ARHGAP6: variants seen among roughly 807,000 people sequenced by gnomAD.
ARHGAP6 encodes Rho GTPase activating protein 6.
Under a neutral mutation model 55.7 loss-of-function variants are expected in ARHGAP6, and 16 were observed. That is an observed-to-expected ratio of 0.29 (90% CI 0.19 to 0.44). The LOEUF is 0.44. Ranked by LOEUF, ARHGAP6 falls within the 20% of genes least tolerant of loss-of-function variation. The pLI is 1.00. For missense variants in ARHGAP6, 698 were observed against 808.9 expected, an observed-to-expected ratio of 0.86 and a Z score of 1.66; for synonymous variants, 382 against 360.9, an observed-to-expected ratio of 1.06 and a Z score of -0.66.
chrX:11,338,111 C>G (rs2048662427), intron 1 of ARHGAP6, among the ~76,000 whole-genome samples: 1 of 111,103 alleles, frequency 9.0e-6, no homozygotes, highest in Non-Finnish European at 1.9e-5. Flanking sequence ...ATCCCTGTAA[C>G]CCAGACATCT....
chrX:11,655,786 A>T (rs2052631157), intron 1 of ARHGAP6, among the ~76,000 whole-genome samples: 1 of 112,538 alleles, frequency 8.9e-6, no homozygotes, highest in Non-Finnish European at 1.9e-5. Context: ...TAAATTTTAG[A>T]ACAAGATGTC....
intron 1 of ARHGAP6, among the ~76,000 whole-genome samples, chrX:11,605,530 C>T (rs1434780688): frequency 9.0e-6 from 1 of 111,424 alleles, no homozygotes; most frequent in Admixed American, 9.5e-5. Flanking sequence ...TCTGGATAGT[C>T]CCCCAAATAA....
chrX:11,457,515 T>C (rs779254923), intron 1 of ARHGAP6, among the ~76,000 whole-genome samples: 12 of 111,824 alleles, frequency 1.1e-4, no homozygotes, highest in Non-Finnish European at 1.7e-4. Flanking sequence ...GACTGTTCAC[T>C]AAACAAATAT....
At position 11,424,903 on chromosome X, in the gene ARHGAP6, G is replaced by A. The variant is rs371044772; in HGVS notation, c.589-170196C>T. Among the ~76,000 whole-genome samples, 6 of 112,550 alleles carry A rather than the reference G, an allele frequency of 5.3e-5. No individual in the cohort carries two copies. The South Asian group carries it at 2.2e-3, about 41-fold the overall frequency. On this transcript the variant is annotated intron_variant, in intron 1 of 12. Transcript: ENST00000337414. ...ATGTCTGTTTATGTAAATGGAGGATGTTCTTGTCTAGTTAATTGCATTTTG... is the reference window on the plus strand; with the variant it reads ...ATGTCTGTTTATGTAAATGGAGGATATTCTTGTCTAGTTAATTGCATTTTG...
At chrX:11,173,094 G>C (rs1173795683) in intron 8 of ARHGAP6, among the ~76,000 whole-genome samples, 1 of 112,181 alleles carries the variant, frequency 8.9e-6, no homozygotes, top group Non-Finnish European at 1.9e-5. Context: ...TCAGAGCCAG[G>C]AGATGGTATA....
At chrX:11,213,249 C>A (rs1318698461) in intron 2 of ARHGAP6, among the ~76,000 whole-genome samples, 1 of 113,021 alleles carries the variant, frequency 8.8e-6, no homozygotes, top group Non-Finnish European at 1.9e-5. Context: ...CTCCCATGCC[C>A]TGTGTGCTTC....
rs1156613318 is a variant in ARHGAP6 at position 11,514,161 on chromosome X, CA to C, written c.588+150079del. On this transcript the variant is annotated intron_variant, in intron 1 of 12. Transcript: ENST00000337414. ...TGGGTGACGAAGTGAAACCCTGTCT[CA>C]AAAAAAAAAAAAAAAAAAAAAAAAA... Among the ~76,000 whole-genome samples the C allele has an allele frequency of 8.1e-3, 290 of 35,773 alleles. 4 individuals are homozygous for C. Among genetic ancestry groups the C allele is most frequent in the East Asian group, 0.05 (47 of 932 alleles). The allele number at this position is 35,773 out of a possible 115,157, so 31.1% of individuals were successfully genotyped here.
At chrX:11,517,943 C>T (rs757215771) in intron 1 of ARHGAP6, among the ~76,000 whole-genome samples, 42 of 105,817 alleles carry the variant, frequency 4.0e-4, no homozygotes, top group African/African-American at 1.5e-3. Context: ...ATGTAACAAA[C>T]CTGCACATCC....
At chrX:11,270,252 A>G (rs5979388) in intron 1 of ARHGAP6, among the ~76,000 whole-genome samples, 20,967 of 111,137 alleles carry the variant, frequency 0.19, 1,594 homozygotes, top group African/African-American at 0.28. Context: ...CCTTTTCTTT[A>G]TTCACTTCCT....
At chrX:11,539,559 C>T (rs2051136489) in intron 1 of ARHGAP6, among the ~76,000 whole-genome samples, 1 of 112,058 alleles carries the variant, frequency 8.9e-6, no homozygotes, top group Admixed American at 9.4e-5. Flanking sequence ...TGGGCATAAA[C>T]TCAGACACTC....
intron 1 of ARHGAP6, among the ~76,000 whole-genome samples, chrX:11,662,208 C>T (rs1194715533): frequency 8.9e-6 from 1 of 112,108 alleles, no homozygotes; most frequent in Non-Finnish European, 1.9e-5. Flanking sequence ...ACAGGCAGTG[C>T]CCAATAGGAT....
intron 6 of ARHGAP6, among the ~76,000 whole-genome samples, chrX:11,180,337 G>A (rs1452197718): frequency 9.0e-6 from 1 of 111,016 alleles, no homozygotes; most frequent in Non-Finnish European, 1.9e-5. Context: ...ACTTCTCTAA[G>A]AGTTCATTTG....
At chrX:11,377,079 C>T (rs1463991502) in intron 1 of ARHGAP6, among the ~76,000 whole-genome samples, 1 of 111,808 alleles carries the variant, frequency 8.9e-6, no homozygotes, top group African/African-American at 3.2e-5. Context: ...AGTGTGAGTC[C>T]CATACCTCAT....
intron 1 of ARHGAP6, among the ~76,000 whole-genome samples, chrX:11,277,951 C>G (rs1025928525): frequency 1.8e-5 from 2 of 111,213 alleles, no homozygotes; most frequent in African/African-American, 6.5e-5. Context: ...TACTCTTGTC[C>G]TCTTTGATTT....
intron 2 of ARHGAP6, among the ~76,000 whole-genome samples, chrX:11,215,935 T>A (rs1254833857): frequency 1.8e-5 from 2 of 111,321 alleles, no homozygotes; most frequent in African/African-American, 6.5e-5. Flanking sequence ...CATGGGAGGT[T>A]CTCCCTCATA....
intron 1 of ARHGAP6, among the ~76,000 whole-genome samples, chrX:11,543,650 G>A (rs1192511405): frequency 8.9e-6 from 1 of 112,101 alleles, no homozygotes; most frequent in East Asian, 2.8e-4. Flanking sequence ...CTCCCCTCTT[G>A]GTTGCTTTCA....
At chrX:11,344,928 G>A (rs986950144) in intron 1 of ARHGAP6, among the ~76,000 whole-genome samples, 1 of 111,510 alleles carries the variant, frequency 9.0e-6, no homozygotes, top group Non-Finnish European at 1.9e-5. Flanking sequence ...TCAGATGAGA[G>A]AGCATTTATG....
chrX:11,376,700 C>T (rs1054290085), intron 1 of ARHGAP6, among the ~76,000 whole-genome samples: 19 of 112,620 alleles, frequency 1.7e-4, no homozygotes, highest in African/African-American at 5.8e-4. Flanking sequence ...ATTATTACAG[C>T]AAAATGCTTA....
intron 2 of ARHGAP6, chrX:11,221,335 C>CT (rs923409067): frequency 2.1e-4 from 28 of 133,984 alleles, no homozygotes; most frequent in Middle Eastern, 1.5e-3. Context: ...CCTGATGTAA[C>CT]TTTTTTTTTA....
Sources: allele counts gnomAD v4.1 joint callset (sites outside exome capture counted in the v4.1 genomes callset), GRCh38; gene constraint gnomAD v4.1.1; transcripts MANE v1.5; gene names NCBI Gene and HGNC (gene_info 2026-07-23, HGNC 2026-07-21).